The following MSRA variants were observed in gnomAD, a reference collection of about 807,000 sequenced individuals.
MSRA encodes mitochondrial peptide methionine sulfoxide reductase.
A neutral mutation model predicts 31.3 loss-of-function variants in MSRA; 54 were observed. That is an observed-to-expected ratio of 1.73 (90% CI 1.39 to 2.17). The LOEUF is 2.17. Ranked by LOEUF, MSRA falls within the 30% of genes most tolerant of loss-of-function variation. MSRA has a pLI of 0.00. For missense variants in MSRA, 507 were observed against 300.9 expected (o/e 1.69, Z -5.07); for synonymous variants, 169 against 116.5 (o/e 1.45, Z -2.90).
intron 1 of MSRA, among the ~76,000 whole-genome samples, chr8:10,180,706 T>C (rs1161082908): frequency 6.6e-6 from 1 of 152,166 alleles, no homozygotes; most frequent in African/African-American, 2.4e-5. Context: ...ACATATTCCT[T>C]TTTGTGTCAT....
intron 5 of MSRA, among the ~76,000 whole-genome samples, chr8:10,352,803 G>A (rs952226231): frequency 6.6e-6 from 1 of 152,126 alleles, no homozygotes; most frequent in African/African-American, 2.4e-5. Flanking sequence ...CAGAACGCGT[G>A]CCAGAGCCAG....
intron 5 of MSRA, among the ~76,000 whole-genome samples, chr8:10,378,939 C>A (rs1202955657): frequency 1.3e-5 from 2 of 152,216 alleles, no homozygotes; most frequent in African/African-American, 4.8e-5. Flanking sequence ...CACCCACAGC[C>A]CTACTGCCCC....
rs78323825 is a variant in MSRA, at chr8:10,412,363, G to A, written c.544-15785G>A. 0.012 allele frequency among the ~76,000 whole-genome samples: 1,779 copies of A among 152,260 alleles called. 79 individuals carry two copies. In the East Asian group the frequency reaches 0.13, roughly 11 times the overall value. ...TTCCCTGGTACTTTGTGTAATGCCC[G>A]AATAGGGACACAGTAAATGTGTGCT... On this transcript the variant is annotated intron_variant, in intron 5 of 5. Coordinates refer to ENST00000317173, the MANE Select transcript of MSRA (RefSeq NM_012331.5).
chr8:10,193,314 C>T (rs547482987), intron 1 of MSRA, among the ~76,000 whole-genome samples: 19 of 152,300 alleles, frequency 1.2e-4, no homozygotes, highest in Admixed American at 2.0e-4. Flanking sequence ...ATGGCCTTCC[C>T]GCTGAGAGAG....
intron 5 of MSRA, among the ~76,000 whole-genome samples, chr8:10,363,400 G>A (rs1804966461): frequency 6.6e-6 from 1 of 152,016 alleles, no homozygotes; most frequent in Non-Finnish European, 1.5e-5. Flanking sequence ...CAGACTGGGT[G>A]GGGACCTCCC....
chr8:10,117,506 T>C (rs1411356576), intron 1 of MSRA, among the ~76,000 whole-genome samples: 1 of 152,120 alleles, frequency 6.6e-6, no homozygotes, highest in Non-Finnish European at 1.5e-5. Flanking sequence ...CAGAGAAAAA[T>C]AGTTCCTTGA....
chr8:10,093,529 G>C (rs187873816), intron 1 of MSRA, among the ~76,000 whole-genome samples: 1 of 152,028 alleles, frequency 6.6e-6, no homozygotes, highest in East Asian at 1.9e-4. Flanking sequence ...TTCAACATAG[G>C]TTTATAACAA....
chr8:10,214,309 G>A (rs1029715857), intron 2 of MSRA, among the ~76,000 whole-genome samples: 1 of 151,944 alleles, frequency 6.6e-6, no homozygotes, highest in Non-Finnish European at 1.5e-5. Flanking sequence ...ACTCACCTTC[G>A]GCCCCTCCAA....
chr8:10,406,889 C>G (rs1807851823), intron 5 of MSRA, among the ~76,000 whole-genome samples: 1 of 152,204 alleles, frequency 6.6e-6, no homozygotes, highest in African/African-American at 2.4e-5. Flanking sequence ...GCCTCACTCT[C>G]TCAACCAGGC....
At chr8:10,374,326 G>A (rs1805639032) in intron 5 of MSRA, among the ~76,000 whole-genome samples, 1 of 152,202 alleles carries the variant, frequency 6.6e-6, no homozygotes, top group Admixed American at 6.5e-5. Context: ...TGGGTTGGCT[G>A]CACCAGCGGG....
intron 1 of MSRA, among the ~76,000 whole-genome samples, chr8:10,172,228 G>A (rs1475417734): frequency 6.6e-6 from 1 of 152,188 alleles, no homozygotes; most frequent in Non-Finnish European, 1.5e-5. Flanking sequence ...GTGTCACCCT[G>A]CATGGGGTAT....
chr8:10,075,190 A>G (rs1797941712), intron 1 of MSRA, among the ~76,000 whole-genome samples: 1 of 152,108 alleles, frequency 6.6e-6, no homozygotes, highest in South Asian at 2.1e-4. Flanking sequence ...GAGCTTATTT[A>G]CTTATGTGGA....
Position 10,351,245 on chromosome 8 carries a change from C to CTTTTT in MSRA, c.543+31280_543+31284dup, listed in dbSNP as rs71203317. On this transcript the variant is annotated intron_variant, in intron 5 of 5. Transcript: ENST00000317173. ...ATGGTTGTTTTTGCTCTGAAGGAGA[C>CTTTTT]TTTTTTTTTTTTTTTTTTTTTTTTT... Among the ~76,000 whole-genome samples, 23 of 56,808 alleles carry CTTTTT rather than the reference C, an allele frequency of 4.0e-4. 4 individuals are homozygous for CTTTTT. The highest frequency in any genetic ancestry group is 1.4e-3 in the African/African-American group (20 of 14,196). The allele number at this position is 56,808 out of a possible 152,430, so 37.3% of individuals were successfully genotyped here.
At chr8:10,164,282 C>T (rs1405626572) in intron 1 of MSRA, among the ~76,000 whole-genome samples, 1 of 152,154 alleles carries the variant, frequency 6.6e-6, no homozygotes, top group African/African-American at 2.4e-5. Flanking sequence ...TAAAATGTTC[C>T]TGTTAAATTT....
chr8:10,236,154 C>G (rs1811915469), intron 2 of MSRA, among the ~76,000 whole-genome samples: 1 of 152,084 alleles, frequency 6.6e-6, no homozygotes, highest in South Asian at 2.1e-4. Flanking sequence ...TTGCAAAAAC[C>G]TACAGTAAAT....
At chr8:10,161,920 G>A (rs193198592) in intron 1 of MSRA, among the ~76,000 whole-genome samples, 5 of 152,190 alleles carry the variant, frequency 3.3e-5, no homozygotes, top group Non-Finnish European at 5.9e-5. Flanking sequence ...CACTTGTTTT[G>A]CCCACTTGTT....
intron 3 of MSRA, among the ~76,000 whole-genome samples, chr8:10,245,694 T>C (rs934678633): frequency 6.6e-6 from 1 of 152,218 alleles, no homozygotes; most frequent in African/African-American, 2.4e-5. Context: ...TGATGGACCA[T>C]ATGTCTTCAG....
chr8:10,090,776 A>G (rs939099340), intron 1 of MSRA, among the ~76,000 whole-genome samples: 4 of 152,212 alleles, frequency 2.6e-5, no homozygotes, highest in Non-Finnish European at 4.4e-5. Flanking sequence ...ATATATATAG[A>G]ATCATACAAT....
intron 1 of MSRA, among the ~76,000 whole-genome samples, chr8:10,092,828 C>T (rs1328976664): frequency 2.0e-5 from 3 of 151,948 alleles, no homozygotes; most frequent in African/African-American, 7.2e-5. Flanking sequence ...CCATTTTTCC[C>T]TTCAATTATT....
Sources: allele counts gnomAD v4.1 joint callset (sites outside exome capture counted in the v4.1 genomes callset), GRCh38; gene constraint gnomAD v4.1.1; transcripts MANE v1.5; gene names NCBI Gene and HGNC (gene_info 2026-07-23, HGNC 2026-07-21).